Variants in CCDC92B observed in about 807,000 individuals in gnomAD.
CCDC92B encodes the protein coiled-coil domain containing 92B.
Under a neutral mutation model 5.6 loss-of-function variants are expected in CCDC92B, and 2 were observed. That is an observed-to-expected ratio of 0.36 (90% confidence interval 0.15 to 1.12). The LOEUF is 1.12. CCDC92B is among the 50% of genes most tolerant of loss of function. The pLI is 0.40. For synonymous variants in CCDC92B, 115 were observed against 122.3 expected, an observed-to-expected ratio of 0.94 and a Z score of 0.39; for missense variants, 271 against 262.2, an observed-to-expected ratio of 1.03 and a Z score of -0.23.
At chr17:2,748,549 T>C in intron 1 of CCDC92B, 1 of 983,120 alleles carries the variant, frequency 1.0e-6, no homozygotes, top group South Asian at 4.7e-5. Flanking sequence ...TGCATGTGCC[T>C]GAATGCACCT....
chr17:2,732,877 T>G (rs1227924064), intron 2 of CCDC92B, among the ~76,000 whole-genome samples: 148 of 146,026 alleles, frequency 1.0e-3, no homozygotes, highest in African/African-American at 2.3e-3. Context: ...GCCGGGCGTG[T>G]TGGCAGGCGC....
chr17:2,727,070 T>G (rs1200436391), intron 3 of CCDC92B, among the ~76,000 whole-genome samples: 2 of 151,862 alleles, frequency 1.3e-5, no homozygotes, highest in Non-Finnish European at 2.9e-5. Context: ...TTTGTAGAGA[T>G]GAGGTTTTGC....
chr17:2,743,247 T>A (rs34198073), intron 1 of CCDC92B, among the ~76,000 whole-genome samples: 52,788 of 152,062 alleles, frequency 0.35, 11,620 homozygotes, highest in Middle Eastern at 0.53. Context: ...CTGGCCAACA[T>A]GGTGAAACCC....
At chr17:2,732,652 G>A (rs925414153) in intron 2 of CCDC92B, among the ~76,000 whole-genome samples, 12 of 151,986 alleles carry the variant, frequency 7.9e-5, no homozygotes, top group Admixed American at 5.9e-4. Flanking sequence ...GGGAGGCAGA[G>A]GTTTCAGTGA....
intron 2 of CCDC92B, among the ~76,000 whole-genome samples, chr17:2,733,312 T>C (rs999713961): frequency 6.7e-6 from 1 of 148,628 alleles, no homozygotes; most frequent in Admixed American, 6.8e-5. Flanking sequence ...CAGGCTGGAG[T>C]GCAATGGCAT....
chr17:2,734,914 G>A, intron 2 of CCDC92B, 102 bp downstream of exon 2: 1 of 876,532 alleles, frequency 1.1e-6, no homozygotes, highest in East Asian at 1.2e-4. Flanking sequence ...TCGGTGCAGT[G>A]TGAGGCTCAC....
Position 2,735,024 on chromosome 17 carries a change from C to T in CCDC92B, c.122G>A (p.Arg41His), listed in dbSNP as rs1382460832. 14 of 985,620 alleles carry T rather than the reference C, an allele frequency of 1.4e-5. No homozygotes were observed. Among genetic ancestry groups the T allele is most frequent in the South Asian group, 9.4e-5 (2 of 21,290 alleles). 61.1% of individuals were successfully genotyped at this position (985,620 alleles called of 1,614,324 possible). ...LHLEILRLQK[R>H]CSELTHDLEM... ...GCCTCTCCTGGCCTCACCTGAGCAGCGTTTCTGCAGCCTCAGGATCTCCAG... is the reference window on the plus strand; with the variant it reads ...GCCTCTCCTGGCCTCACCTGAGCAGTGTTTCTGCAGCCTCAGGATCTCCAG... The change falls in exon 2 of 4, where the codon CGC (arginine) becomes CAC (histidine). Residue 41 changes from arginine to histidine, a missense_variant. Arg to His is a conservative substitution (Grantham distance 29). Transcript: ENST00000614400.
chr17:2,747,872 A>G (rs565387340), intron 1 of CCDC92B, among the ~76,000 whole-genome samples: 4 of 152,346 alleles, frequency 2.6e-5, no homozygotes, highest in African/African-American at 9.6e-5. Flanking sequence ...TAATACTTAT[A>G]ATAATAAGTA....
chr17:2,748,453 C>A lies in CCDC92B; in HGVS notation c.-24+958G>T, dbSNP rs553308246. On this transcript the variant is annotated intron_variant, in intron 1 of 3. Transcript: ENST00000614400. Reference sequence around the variant, plus strand: ...TGTTCTGTGTGTGTGTGTGTGTGCACGCATGCCTGCACGCACCTGGCTTCC... The same window carrying A: ...TGTTCTGTGTGTGTGTGTGTGTGCAAGCATGCCTGCACGCACCTGGCTTCC... The A allele has an allele frequency of 3.1e-6, 3 of 963,066 alleles. No homozygotes were observed. In the African/African-American group the frequency reaches 5.4e-5, roughly 17 times the overall value. 59.7% of individuals were successfully genotyped at this position (963,066 alleles called of 1,614,324 possible).
chr17:2,731,162 G>C (rs1356773438), intron 2 of CCDC92B, among the ~76,000 whole-genome samples: 1 of 152,164 alleles, frequency 6.6e-6, no homozygotes, highest in Non-Finnish European at 1.5e-5. Context: ...GCACTGAGGG[G>C]GTGGAGCGGG....
At chr17:2,737,847 A>G (rs886970426) in intron 1 of CCDC92B, among the ~76,000 whole-genome samples, 1 of 151,726 alleles carries the variant, frequency 6.6e-6, no homozygotes, top group African/African-American at 2.4e-5. Context: ...ACATGTGCTG[A>G]CCATCTGCTA....
rs924892886 is a variant in CCDC92B, at chr17:2,724,107, C to A, written c.*304G>T. On this transcript the variant is annotated 3_prime_UTR_variant, in exon 4 of 4. Transcript: ENST00000614400. This position sits in a 1 kb window ranked among gnomAD's most constrained non-coding sequence, Gnocchi z 5.0. ...CCGGGGAAGGGCGTGGCCCCCGCCC[C>A]TCCTGTCTCACAGGCAGGTGGGACC... is the stretch of plus-strand genomic sequence containing the variant. 3.0e-6 allele frequency: 3 copies of A among 985,304 alleles called. No individual in the cohort carries two copies. In the East Asian group the frequency reaches 3.4e-4, roughly 112 times the overall value. The allele number at this position is 985,304 out of a possible 1,614,324, so 61.0% of individuals were successfully genotyped here.
intron 3 of CCDC92B, among the ~76,000 whole-genome samples, chr17:2,728,820 G>A (rs1160317275): frequency 6.6e-6 from 1 of 152,182 alleles, no homozygotes; most frequent in Non-Finnish European, 1.5e-5. Flanking sequence ...TCTAAAGAGG[G>A]CAGGATTAGT....
At position 2,724,858 on chromosome 17, in the gene CCDC92B, G is replaced by A. The variant is rs912145997; in HGVS notation, c.321C>T (p.Thr107=). The A allele has an allele frequency of 8.2e-5, 81 of 985,160 alleles. No individual in the cohort carries two copies. The highest frequency in any genetic ancestry group is 8.8e-5 in the Non-Finnish European group (73 of 829,822). The allele number at this position is 985,160 out of a possible 1,614,324, so 61.0% of individuals were successfully genotyped here. A position where few individuals can be genotyped will look rare whatever the true frequency, so the allele number is the denominator to read the frequency against. Residue 107 remains threonine (T), a synonymous_variant, in exon 4 of 4, where the codon ACC becomes ACT. Coordinates refer to ENST00000614400, the MANE Select transcript of CCDC92B (RefSeq NM_001355573.2). This position sits in a 1 kb window ranked among gnomAD's most constrained non-coding sequence, Gnocchi z 5.0. ...GCTCCTCCAGGAAGCGGCGCTCCTC[G>A]GTGCGCAGGCTGCAGCGCAGCGCGG... ...LVSALRCSLR[T]EERRFLEELR... is the part of the protein sequence containing the mutation.
chr17:2,725,234 C>CGTGGTG (rs147255150), intron 3 of CCDC92B, among the ~76,000 whole-genome samples: 1 of 150,740 alleles, frequency 6.6e-6, no homozygotes. Flanking sequence ...ATTAGCCGGG[C>CGTGGTG]GTGGTGGTGG....
rs1244095560 is a variant in CCDC92B at position 2,724,882 on chromosome 17, G to A, written c.297C>T (p.Ser99=). The change falls in exon 4 of 4, where the codon TCC becomes TCT. Residue 99 remains serine, a synonymous_variant. Coordinates refer to ENST00000614400, the MANE Select transcript of CCDC92B (RefSeq NM_001355573.2). This position sits in a 1 kb window ranked among gnomAD's most constrained non-coding sequence, Gnocchi z 5.0. ...CGGTGCGCAGGCTGCAGCGCAGCGC[G>A]GACACCAGCGCCTCGCGCTGCGCCA... ...REVAQREALV[S]ALRCSLRTEE... is the part of the protein sequence containing the mutation. The A allele has an allele frequency of 1.0e-6, 1 of 985,078 alleles. No homozygotes were observed. The highest frequency in any genetic ancestry group is 1.2e-6 in the Non-Finnish European group (1 of 829,822). The allele number at this position is 985,078 out of a possible 1,614,324, so 61.0% of individuals were successfully genotyped here. A position where few individuals can be genotyped will look rare whatever the true frequency, so the allele number is the denominator to read the frequency against.
intron 3 of CCDC92B, among the ~76,000 whole-genome samples, chr17:2,728,657 C>G (rs1412840498): frequency 6.6e-6 from 1 of 151,936 alleles, no homozygotes; most frequent in Non-Finnish European, 1.5e-5. Flanking sequence ...GGGGCAGTGG[C>G]TTGGGCCCAG....
chr17:2,726,576 C>G (rs2070733678), intron 3 of CCDC92B, among the ~76,000 whole-genome samples: 2 of 152,026 alleles, frequency 1.3e-5, no homozygotes, highest in Admixed American at 1.3e-4. Context: ...CTCAGCCTCC[C>G]AAAGTGCTGG....
intron 1 of CCDC92B, among the ~76,000 whole-genome samples, chr17:2,736,516 G>A (rs910685330): frequency 2.0e-5 from 3 of 152,038 alleles, no homozygotes; most frequent in Admixed American, 6.6e-5. Flanking sequence ...AGAGGCTGAC[G>A]TGGGAAGACT....
Sources: gnomAD v4.1 joint callset for allele counts (sites outside exome capture counted in the v4.1 genomes callset) on GRCh38, gnomAD v4.1.1 for gene constraint, Gnocchi (gnomAD v3.1) non-coding constraint, MANE v1.5 for transcripts, NCBI Gene and HGNC (gene_info 2026-07-23, HGNC 2026-07-21) for gene names.